Variants in SEPTIN7 observed in about 807,000 individuals in gnomAD.
SEPTIN7 encodes the protein septin 7.
In SEPTIN7, 10 loss-of-function variants were observed where a neutral mutation model predicts 63.3. The observed-to-expected ratio is 0.16, with a 90% CI of 0.10 to 0.27. The LOEUF (loss-of-function observed/expected upper bound fraction) is 0.27. SEPTIN7 is among the 10% of genes least tolerant of loss of function. The pLI, the probability that SEPTIN7 is intolerant of heterozygous loss-of-function variation, is 1.00. For synonymous variants in SEPTIN7, 131 were observed against 165.3 expected (o/e 0.79, Z 1.59); for missense variants, 310 against 521.0 (o/e 0.59, Z 3.94).
intron 1 of SEPTIN7, among the ~76,000 whole-genome samples, chr7:35,807,742 C>A (rs996717318): frequency 6.6e-6 from 1 of 152,028 alleles, no homozygotes; most frequent in South Asian, 2.1e-4. Context: ...AGGTGATCCA[C>A]CTGCCTTGGC....
At chr7:35,881,078 A>G (rs529998645) in intron 7 of SEPTIN7, among the ~76,000 whole-genome samples, 2 of 152,062 alleles carry the variant, frequency 1.3e-5, no homozygotes, top group South Asian at 2.1e-4. Context: ...ACCTTTTTCA[A>G]TATGAATTTC....
chr7:35,844,407 T>C (rs575054485), intron 3 of SEPTIN7, among the ~76,000 whole-genome samples: 2 of 152,240 alleles, frequency 1.3e-5, no homozygotes, highest in South Asian at 2.1e-4. Flanking sequence ...TTTTGACTTA[T>C]GTTTTTGTCA....
chr7:35,888,725 TG>T, intron 10 of SEPTIN7: 1 of 197,968 alleles, frequency 5.1e-6, no homozygotes, highest in South Asian at 6.1e-5. Context: ...GAGGCTGAGG[TG>T]GGAGGATGGT....
the SEPTIN7 span, among the ~76,000 whole-genome samples, chr7:35,915,729 C>T: frequency 1.3e-5 from 2 of 152,196 alleles, no homozygotes; most frequent in East Asian, 1.9e-4. Flanking sequence ...AGCTCTGAAC[C>T]GTCTCTTTTC....
rs548593683 is a variant in SEPTIN7 at position 35,851,788 on chromosome 7, T to G, written c.170-11764T>G. ...TAGACAAGGCTGCTATATTTTGTCT[T>G]GTAATTATAGGCCACTTGACATTTT... On this transcript the variant is annotated intron_variant, in intron 3 of 13. Transcript: ENST00000350320. Among the ~76,000 whole-genome samples the G allele has an allele frequency of 2.0e-5, 3 of 152,322 alleles. No homozygotes were observed. In the South Asian group the frequency reaches 6.2e-4, roughly 32 times the overall value.
intron 11 of SEPTIN7, among the ~76,000 whole-genome samples, chr7:35,895,453 C>T (rs1787902514): frequency 6.6e-6 from 1 of 152,160 alleles, no homozygotes; most frequent in South Asian, 2.1e-4. Context: ...AAAAAACTTA[C>T]AGTATCTTAA....
intron 1 of SEPTIN7, among the ~76,000 whole-genome samples, chr7:35,828,767 G>C (rs1583518843): frequency 6.6e-6 from 1 of 151,684 alleles, no homozygotes; most frequent in South Asian, 2.1e-4. Flanking sequence ...TATATTTTCA[G>C]CACCAACCAA....
At chr7:35,903,049 T>C (rs1788416840) in intron 12 of SEPTIN7, 27 bp from the exon 13 acceptor site, 1 of 1,523,894 alleles carries the variant, frequency 6.6e-7, no homozygotes, top group South Asian at 1.3e-5. Context: ...TAAATAGTTT[T>C]GTTTTATATA....
chr7:35,809,029 T>C (rs1222664761), intron 1 of SEPTIN7, among the ~76,000 whole-genome samples: 1 of 152,240 alleles, frequency 6.6e-6, no homozygotes, highest in Non-Finnish European at 1.5e-5. Context: ...ATATCAATAA[T>C]GTATTGATGT....
At chr7:35,870,913 C>A (rs780085018) in intron 4 of SEPTIN7, among the ~76,000 whole-genome samples, 1 of 151,466 alleles carries the variant, frequency 6.6e-6, no homozygotes, top group Non-Finnish European at 1.5e-5. Context: ...TATTTTGCCT[C>A]TCTCATGTTA....
intron 4 of SEPTIN7, among the ~76,000 whole-genome samples, chr7:35,865,846 A>G (rs983151688): frequency 1.3e-5 from 2 of 152,228 alleles, no homozygotes; most frequent in African/African-American, 4.8e-5. Context: ...AAGATGTGAC[A>G]TGCCCTCAAT....
chr7:35,805,769 T>A (rs564702171), intron 1 of SEPTIN7, among the ~76,000 whole-genome samples: 2 of 152,372 alleles, frequency 1.3e-5, no homozygotes, highest in Admixed American at 6.5e-5. Context: ...AATGTTTGTT[T>A]GCTTTATGTG....
Position 35,832,856 on chromosome 7 carries a change from G to A in SEPTIN7, c.125G>A (p.Arg42Lys). The change falls in exon 3 of 14, where the codon AGA (arginine) becomes AAA (lysine). Residue 42 changes from arginine (R) to lysine (K), a missense_variant. By Grantham distance (26) the Arg-to-Lys change is conservative. This residue lies in a region of SEPTIN7 where 255 missense variants were observed against 490.5 expected (regional missense o/e 0.52). Transcript: ENST00000350320. ...GCCAATCTCCCAAATCAAGTATACA[G>A]AAAATCGGTGAAGAGAGGTTTTGAA... is the stretch of plus-strand genomic sequence containing the variant. ...GFANLPNQVY[R>K]KSVKRGFEFT... The A allele has an allele frequency of 6.2e-7, 1 of 1,611,014 alleles. No individual in the cohort carries two copies. The highest frequency in any genetic ancestry group is 8.5e-7 in the Non-Finnish European group (1 of 1,177,388).
rs57121305 is a variant in SEPTIN7, at chr7:35,812,128, C to CA, written c.61+10872dup. On this transcript the variant is annotated intron_variant, in intron 1 of 13. Coordinates refer to ENST00000350320, the MANE Select transcript of SEPTIN7 (RefSeq NM_001788.6). ...ACAGAATGATACTCTGTCTCCAAAA[C>CA]AAAAAAAAAAAAAACAAAAAAAAAA... 781 of 115,398 alleles carry CA rather than the reference C, an allele frequency of 6.8e-3. 1 individual carries two copies. The highest frequency in any genetic ancestry group is 0.022 in the South Asian group (167 of 7,610). The allele number at this position is 115,398 out of a possible 1,614,324, so 7.1% of individuals were successfully genotyped here.
intron 3 of SEPTIN7, among the ~76,000 whole-genome samples, chr7:35,862,795 T>G (rs1785581049): frequency 6.6e-6 from 1 of 152,168 alleles, no homozygotes; most frequent in Non-Finnish European, 1.5e-5. Context: ...GTTTATAATT[T>G]ATTTTAACCT....
At chr7:35,898,078 T>C (rs1319464149) in intron 11 of SEPTIN7, 170 bp from the exon 12 acceptor site, 1 of 477,138 alleles carries the variant, frequency 2.1e-6, no homozygotes, top group African/African-American at 2.0e-5. Context: ...TTTTAGATTT[T>C]TTTCATAAAT....
intron 12 of SEPTIN7, chr7:35,900,458 A>C (rs1788254243): frequency 6.6e-6 from 1 of 152,238 alleles, no homozygotes; most frequent in South Asian, 2.1e-4. Context: ...GTTGTATTAT[A>C]AATGAATAAT....
chr7:35,818,403 A>G (rs904960836), intron 1 of SEPTIN7, among the ~76,000 whole-genome samples: 17 of 151,978 alleles, frequency 1.1e-4, no homozygotes, highest in Non-Finnish European at 2.2e-4. Flanking sequence ...TTCCATCCAT[A>G]TAAGATATTG....
At chr7:35,856,748 G>C (rs2116098385) in intron 3 of SEPTIN7, among the ~76,000 whole-genome samples, 1 of 152,298 alleles carries the variant, frequency 6.6e-6, no homozygotes, top group South Asian at 2.1e-4. Context: ...TGAGCCTCAA[G>C]GTGGGGAGAT....
Sources: allele counts gnomAD v4.1 joint callset (sites outside exome capture counted in the v4.1 genomes callset), GRCh38; gene constraint gnomAD v4.1.1; regional missense constraint gnomAD v4.1.1; transcripts MANE v1.5; gene names NCBI Gene and HGNC (gene_info 2026-07-23, HGNC 2026-07-21).